Variants in CCDC73 observed in about 807,000 individuals in gnomAD.
The protein encoded by CCDC73 is coiled-coil domain containing 73, also known as coiled-coil domain-containing protein 73.
CCDC73 carries 95 observed loss-of-function variants against 116.5 expected under a neutral mutation model. The ratio of observed to expected loss-of-function variants is 0.82; its 90% CI spans 0.69 to 0.97. CCDC73 has a LOEUF of 0.97. CCDC73 is among the 50% of genes least tolerant of loss of function. CCDC73 has a pLI of 0.00. For missense variants in CCDC73, 1,066 were observed against 1,206.8 expected (o/e 0.88, Z 1.73); for synonymous variants, 398 against 401.3 (o/e 0.99, Z 0.10).
At chr11:32,661,126 C>A (rs1419105313) in intron 9 of CCDC73, among the ~76,000 whole-genome samples, 2 of 152,014 alleles carry the variant, frequency 1.3e-5, no homozygotes, top group African/African-American at 2.4e-5. Context: ...ATGAAAAAGC[C>A]CAAAAGCAGC....
At chr11:32,723,832 A>AT (rs146303107) in intron 2 of CCDC73, among the ~76,000 whole-genome samples, 2,205 of 152,238 alleles carry the variant, frequency 0.014, 40 homozygotes, top group African/African-American at 0.049. Flanking sequence ...TAGAGACAAC[A>AT]TTTTTTATTA....
At chr11:32,656,586 G>A (rs1449112984) in intron 9 of CCDC73, among the ~76,000 whole-genome samples, 1 of 152,220 alleles carries the variant, frequency 6.6e-6, no homozygotes. Context: ...CTATGGGTGA[G>A]TGATACCGCA....
chr11:32,764,081 T>G (rs1850418374), intron 1 of CCDC73, among the ~76,000 whole-genome samples: 1 of 151,912 alleles, frequency 6.6e-6, no homozygotes, highest in Non-Finnish European at 1.5e-5. Flanking sequence ...TAAAAAGAAA[T>G]GAACAAAGCC....
At chr11:32,616,159 A>G (rs1855473200) in intron 14 of CCDC73, 30 bp from the exon 15 acceptor site, 1 of 1,536,928 alleles carries the variant, frequency 6.5e-7, no homozygotes, top group East Asian at 2.3e-5. Flanking sequence ...ATTCTTTTAA[A>G]AACATTGCCT....
rs569394568 is a variant in CCDC73 at position 32,674,686 on chromosome 11, T to C, written c.645+879A>G. ...ATTGTAGGCTGACTGCCAGCCACAA[T>C]AGAGGTTATGTTCTTCCTGGTTTAT... On this transcript the variant is annotated intron_variant, in intron 9 of 17. Coordinates refer to ENST00000335185, the MANE Select transcript of CCDC73 (RefSeq NM_001008391.4). 5.3e-5 allele frequency among the ~76,000 whole-genome samples: 8 copies of C among 152,284 alleles called. No homozygotes were observed. In the South Asian group the frequency reaches 8.3e-4, roughly 16 times the overall value.
intron 2 of CCDC73, among the ~76,000 whole-genome samples, chr11:32,730,591 T>G (rs1400762886): frequency 6.6e-6 from 1 of 152,236 alleles, no homozygotes; most frequent in East Asian, 1.9e-4. Flanking sequence ...TGGCTGCTTT[T>G]AAGATTCTGT....
Position 32,614,250 on chromosome 11 carries a change from TAC to T in CCDC73, c.2066_2067del (p.Cys689Ter), listed in dbSNP as rs772450962. On this transcript the variant is annotated frameshift_variant, in exon 16 of 18. Coordinates refer to ENST00000335185, the MANE Select transcript of CCDC73 (RefSeq NM_001008391.4). LOFTEE classifies it high-confidence loss of function. ...AGTTCAGATTTCTCTAAAGTATCAT[TAC>T]AGACTTGCAGAAAATCTGAAGTTTG... ...SKQTSDFLQV[C>X]NDTLEKSELT... 3.7e-5 allele frequency: 60 copies of T among 1,613,610 alleles called. No individual in the cohort carries two copies. In the South Asian group the frequency reaches 6.4e-4, roughly 17 times the overall value.
the CCDC73 span, chr11:32,830,378 C>T: frequency 1.1e-6 from 1 of 918,448 alleles, no homozygotes; most frequent in South Asian, 3.0e-5. Context: ...GTTCCGGCGA[C>T]CGAAACCGCG....
rs552750474 is a variant in CCDC73, at chr11:32,654,758, G to A, written c.774+86C>T. 133 of 995,074 alleles carry A rather than the reference G, an allele frequency of 1.3e-4. No homozygotes were observed. The Middle Eastern group carries it at 1.6e-3, about 12-fold the overall frequency. 61.6% of individuals were successfully genotyped at this position (995,074 alleles called of 1,614,324 possible). ...CTATGCATATTGACTTTGCAAAGGC[G>A]GAGTATTTTTGTGTTACAATTCTGA... On this transcript the variant is annotated intron_variant, in intron 10 of 17. Coordinates refer to ENST00000335185, the MANE Select transcript of CCDC73 (RefSeq NM_001008391.4).
At chr11:32,706,194 A>C (rs1849854182) in intron 3 of CCDC73, among the ~76,000 whole-genome samples, 1 of 152,170 alleles carries the variant, frequency 6.6e-6, no homozygotes, top group South Asian at 2.1e-4. Flanking sequence ...CACACCTGCA[A>C]GGAAGGAAGG....
At chr11:32,726,281 A>G (rs1013260123) in intron 2 of CCDC73, among the ~76,000 whole-genome samples, 7 of 152,202 alleles carry the variant, frequency 4.6e-5, no homozygotes, top group African/African-American at 1.7e-4. Context: ...ATTGACATAG[A>G]CTTTAAAATA....
chr11:32,714,433 G>A (rs1476476982), intron 3 of CCDC73, among the ~76,000 whole-genome samples: 1 of 152,106 alleles, frequency 6.6e-6, no homozygotes, highest in Non-Finnish European at 1.5e-5. Context: ...ATCACAAACA[G>A]ATAACAGTTG....
the CCDC73 span, among the ~76,000 whole-genome samples, chr11:32,825,840 G>T: frequency 5.3e-4 from 80 of 152,242 alleles, no homozygotes; most frequent in African/African-American, 1.9e-3. Context: ...TGTACAATAG[G>T]TGTAAAAATG....
intron 4 of CCDC73, among the ~76,000 whole-genome samples, chr11:32,701,555 A>T (rs55747817): frequency 0.28 from 41,992 of 151,802 alleles, 6,642 homozygotes; most frequent in East Asian, 0.79. Flanking sequence ...TTAAAAAAAA[A>T]TTTTTTTAAG....
At chr11:32,774,431 GA>G in intron 1 of CCDC73, among the ~76,000 whole-genome samples, 1 of 152,178 alleles carries the variant, frequency 6.6e-6, no homozygotes, top group South Asian at 2.1e-4. Flanking sequence ...ATGAACGTGA[GA>G]AAAATAAATG....
At chr11:32,695,994 G>C (rs1032169026) in intron 6 of CCDC73, among the ~76,000 whole-genome samples, 1 of 151,936 alleles carries the variant, frequency 6.6e-6, no homozygotes, top group Non-Finnish European at 1.5e-5. Context: ...AAGAAAAAAT[G>C]TTTAGCTACT....
intron 9 of CCDC73, among the ~76,000 whole-genome samples, chr11:32,673,008 C>T (rs1341725787): frequency 2.6e-5 from 4 of 152,096 alleles, no homozygotes; most frequent in African/African-American, 9.7e-5. Context: ...GGTCTTCAAA[C>T]TCTGGCTTAG....
intron 14 of CCDC73, among the ~76,000 whole-genome samples, chr11:32,619,889 G>C (rs1855508497): frequency 6.8e-6 from 1 of 146,374 alleles, no homozygotes; most frequent in East Asian, 2.1e-4. Flanking sequence ...GGGAGGGGAA[G>C]GGAGGGAGGG....
intron 14 of CCDC73, among the ~76,000 whole-genome samples, chr11:32,629,417 A>G (rs1020563574): frequency 1.2e-5 from 1 of 83,792 alleles, no homozygotes; most frequent in African/African-American, 5.0e-5. Flanking sequence ...ATATAAAGAC[A>G]CTTTTTTTTT....
Sources: allele counts gnomAD v4.1 joint callset (sites outside exome capture counted in the v4.1 genomes callset), GRCh38; gene constraint gnomAD v4.1.1; transcripts MANE v1.5; gene names NCBI Gene and HGNC (gene_info 2026-07-23, HGNC 2026-07-21).